CNTN5: variants seen among roughly 807,000 people sequenced by gnomAD.
The protein encoded by CNTN5 is contactin-5.
In CNTN5, 77 loss-of-function variants were observed where a neutral mutation model predicts 129.1. The observed-to-expected ratio is 0.60, with a 90% CI of 0.50 to 0.72. The LOEUF (loss-of-function observed/expected upper bound fraction) is 0.72. Among genes scored for constraint, CNTN5 ranks in the 30% least tolerant of loss-of-function variants. The pLI, the probability that CNTN5 is intolerant of heterozygous loss-of-function variation, is 0.00. For missense variants in CNTN5, 1,478 were observed against 1,328.8 expected (o/e 1.11, Z -1.75); for synonymous variants, 509 against 465.6 (o/e 1.09, Z -1.20).
intron 3 of CNTN5, among the ~76,000 whole-genome samples, chr11:99,647,876 A>G (rs2135868617): frequency 6.6e-6 from 1 of 151,650 alleles, no homozygotes; most frequent in East Asian, 1.9e-4. Flanking sequence ...TTGTATGTTG[A>G]TTTTGTATTT....
At chr11:100,120,653 T>C (rs2138160604) in intron 13 of CNTN5, among the ~76,000 whole-genome samples, 1 of 152,030 alleles carries the variant, frequency 6.6e-6, no homozygotes, top group Non-Finnish European at 1.5e-5. Flanking sequence ...AAGGTTTATT[T>C]TCAAATATAC....
At chr11:99,708,650 C>T (rs1241958003) in intron 3 of CNTN5, among the ~76,000 whole-genome samples, 1 of 151,738 alleles carries the variant, frequency 6.6e-6, no homozygotes, top group African/African-American at 2.4e-5. Context: ...CATTTTTCTT[C>T]GATGCCTACT....
rs1949932241 is a variant in CNTN5 at position 100,250,020 on chromosome 11, A to G, written c.2006-5740A>G. 2.0e-5 allele frequency among the ~76,000 whole-genome samples: 3 copies of G among 152,096 alleles called. No individual in the cohort carries two copies. In the South Asian group the frequency reaches 6.2e-4, roughly 31 times the overall value. On this transcript the variant is annotated intron_variant, in intron 16 of 24. Coordinates refer to ENST00000524871, the MANE Select transcript of CNTN5 (RefSeq NM_014361.4). Reference sequence around the variant, plus strand: ...TAAATCACGCTGCCAATTATTCAGAATATCTGTACGTTAATATGTTCATAA... The same window carrying G: ...TAAATCACGCTGCCAATTATTCAGAGTATCTGTACGTTAATATGTTCATAA...
Position 99,458,959 on chromosome 11 carries a change from C to A in CNTN5, c.-70-97186C>A, listed in dbSNP as rs1469576746. On this transcript the variant is annotated intron_variant, in intron 2 of 24. Transcript: ENST00000524871. ...AGACAGAGGGCGTTGAATAATGAAC[C>A]TAGAGAGCTGTTTGGAAACAAACGA... 2.0e-5 allele frequency among the ~76,000 whole-genome samples: 3 copies of A among 152,068 alleles called. No homozygotes were observed. The South Asian group carries it at 6.2e-4, about 31-fold the overall frequency.
chr11:99,322,619 T>C (rs1865618402), intron 1 of CNTN5, among the ~76,000 whole-genome samples: 1 of 152,100 alleles, frequency 6.6e-6, no homozygotes, highest in African/African-American at 2.4e-5. Flanking sequence ...AAATATTTGT[T>C]TTTCTGGTCA....
chr11:100,121,708 C>T (rs1000869015), intron 13 of CNTN5, among the ~76,000 whole-genome samples: 1 of 151,974 alleles, frequency 6.6e-6, no homozygotes, highest in Non-Finnish European at 1.5e-5. Context: ...TGATTGATGT[C>T]CTGGACCTAA....
In CNTN5 at chr11:100,173,551, C is replaced by T. The variant is rs563988166; in HGVS notation, c.1581-17575C>T. On this transcript the variant is annotated intron_variant, in intron 13 of 24. Coordinates refer to ENST00000524871, the MANE Select transcript of CNTN5 (RefSeq NM_014361.4). Reference sequence around the variant, plus strand: ...GAAAGGCAAGAGTATGCAAGTTTCCCGTGGGTTGGATGGATGGACTTTGGA... The same window carrying T: ...GAAAGGCAAGAGTATGCAAGTTTCCTGTGGGTTGGATGGATGGACTTTGGA... 5.3e-5 allele frequency among the ~76,000 whole-genome samples: 8 copies of T among 152,116 alleles called. No individual in the cohort carries two copies. The South Asian group carries it at 1.7e-3, about 32-fold the overall frequency.
At chr11:99,050,610 C>T (rs1864388177) in intron 1 of CNTN5, among the ~76,000 whole-genome samples, 1 of 151,580 alleles carries the variant, frequency 6.6e-6, no homozygotes. Flanking sequence ...AAGGTATTTA[C>T]CATGTTTGTT....
chr11:99,548,094 T>C (rs2135514682), intron 2 of CNTN5, among the ~76,000 whole-genome samples: 1 of 152,316 alleles, frequency 6.6e-6, no homozygotes, highest in South Asian at 2.1e-4. Flanking sequence ...TTTATGAATT[T>C]TATAGCTTAC....
intron 13 of CNTN5, among the ~76,000 whole-genome samples, chr11:100,187,842 GA>G (rs1177367580): frequency 2.0e-5 from 3 of 152,048 alleles, no homozygotes; most frequent in African/African-American, 7.2e-5. Flanking sequence ...AATCCTAGAA[GA>G]AAAACTAGGA....
chr11:99,700,920 C>T (rs1954491692), intron 3 of CNTN5, among the ~76,000 whole-genome samples: 1 of 151,166 alleles, frequency 6.6e-6, no homozygotes, highest in Non-Finnish European at 1.5e-5. Flanking sequence ...GTTCTACCTT[C>T]CATCTTGGCA....
chr11:99,027,958 A>G (rs966887696), intron 1 of CNTN5, among the ~76,000 whole-genome samples: 11 of 151,938 alleles, frequency 7.2e-5, no homozygotes, highest in Non-Finnish European at 1.6e-4. Flanking sequence ...TCCTAAGTAT[A>G]TAACCCCAGT....
chr11:100,148,711 T>C (rs1946940974), intron 13 of CNTN5, among the ~76,000 whole-genome samples: 1 of 89,272 alleles, frequency 1.1e-5, no homozygotes, highest in South Asian at 3.8e-4. Flanking sequence ...ACAGGTCAGA[T>C]AGATATATCT....
At chr11:99,601,772 T>C (rs1271339298) in intron 3 of CNTN5, among the ~76,000 whole-genome samples, 1 of 152,218 alleles carries the variant, frequency 6.6e-6, no homozygotes, top group South Asian at 2.1e-4. Context: ...AATTCTGTGC[T>C]GCCTGCTTTC....
chr11:99,112,481 C>T (rs982789637), intron 1 of CNTN5, among the ~76,000 whole-genome samples: 7 of 151,878 alleles, frequency 4.6e-5, no homozygotes, highest in East Asian at 1.9e-4. Context: ...AATTTTAATA[C>T]GAGTTTTCTA....
chr11:100,110,909 C>T (rs754169700), intron 13 of CNTN5, among the ~76,000 whole-genome samples: 1 of 151,790 alleles, frequency 6.6e-6, no homozygotes, highest in Non-Finnish European at 1.5e-5. Flanking sequence ...GGCATTTATG[C>T]ATATACTCCT....
At chr11:99,652,809 T>C (rs570363378) in intron 3 of CNTN5, among the ~76,000 whole-genome samples, 22 of 152,160 alleles carry the variant, frequency 1.4e-4, no homozygotes, top group African/African-American at 4.8e-4. Context: ...TTCAGTAATA[T>C]ACTGAATATG....
At chr11:99,548,825 G>T (rs79078262) in intron 2 of CNTN5, among the ~76,000 whole-genome samples, 1 of 151,982 alleles carries the variant, frequency 6.6e-6, no homozygotes. Context: ...ATGTGCACAG[G>T]TATTTCTTCT....
intron 18 of CNTN5, among the ~76,000 whole-genome samples, chr11:100,296,635 T>C (rs993684883): frequency 3.3e-5 from 5 of 151,584 alleles, no homozygotes; most frequent in Middle Eastern, 3.2e-3. Flanking sequence ...GCCAATTATA[T>C]ATTCACAGGT....
Sources: gnomAD v4.1 joint callset for allele counts (sites outside exome capture counted in the v4.1 genomes callset) on GRCh38, gnomAD v4.1.1 for gene constraint, MANE v1.5 for transcripts, NCBI Gene and HGNC (gene_info 2026-07-23, HGNC 2026-07-21) for gene names.